PHF24: variants seen among roughly 807,000 people sequenced by gnomAD.
PHF24 encodes PHD finger protein 24, also known as Galpha inhibitory interacting protein.
In PHF24, 25 loss-of-function variants were observed where a neutral mutation model predicts 42.6. The observed-to-expected ratio is 0.59, with a 90% CI of 0.43 to 0.82. The LOEUF (loss-of-function observed/expected upper bound fraction) is 0.82. PHF24 is among the 40% of genes least tolerant of loss of function. The pLI, the probability that PHF24 is intolerant of heterozygous loss-of-function variation, is 0.00. For synonymous variants in PHF24, 185 were observed against 204.8 expected, an observed-to-expected ratio of 0.90 and a Z score of 0.83; for missense variants, 470 against 538.1, an observed-to-expected ratio of 0.87 and a Z score of 1.25.
the PHF24 span, among the ~76,000 whole-genome samples, chr9:34,759,928 G>T: frequency 6.6e-6 from 1 of 152,146 alleles, no homozygotes; most frequent in Non-Finnish European, 1.5e-5. Flanking sequence ...TTACTGGTTT[G>T]GGACTCATTG....
chr9:34,760,340 G>A, the PHF24 span, among the ~76,000 whole-genome samples: 1 of 152,194 alleles, frequency 6.6e-6, no homozygotes, highest in Non-Finnish European at 1.5e-5. Flanking sequence ...TGCCACTGGT[G>A]TGAGACTTGT....
the PHF24 span, among the ~76,000 whole-genome samples, chr9:34,838,787 T>C: frequency 5.9e-5 from 9 of 152,228 alleles, no homozygotes; most frequent in East Asian, 1.9e-4. Context: ...CAGCCTGATG[T>C]CTCGGCTCTG....
chr9:34,853,484 G>GT, the PHF24 span, among the ~76,000 whole-genome samples: 1 of 152,154 alleles, frequency 6.6e-6, no homozygotes, highest in African/African-American at 2.4e-5. Context: ...CATAAAACGA[G>GT]TTAGGGAGGA....
At chr9:34,841,093 G>A in the PHF24 span, among the ~76,000 whole-genome samples, 8 of 151,976 alleles carry the variant, frequency 5.3e-5, no homozygotes, top group South Asian at 2.1e-4. Flanking sequence ...TCCGCCTCCC[G>A]GGTTCATGCC....
chr9:34,741,509 T>C, the PHF24 span, among the ~76,000 whole-genome samples: 1 of 152,032 alleles, frequency 6.6e-6, no homozygotes, highest in Non-Finnish European at 1.5e-5. Flanking sequence ...ATTACAGGCA[T>C]GTGCCACCAC....
chr9:34,709,404 T>G, the PHF24 span: 3 of 1,609,534 alleles, frequency 1.9e-6, no homozygotes, highest in Admixed American at 3.4e-5. Context: ...CTATGGCCCT[T>G]TAGGGGTCTG....
At chr9:34,866,021 A>G in the PHF24 span, among the ~76,000 whole-genome samples, 9 of 152,360 alleles carry the variant, frequency 5.9e-5, no homozygotes, top group South Asian at 2.1e-4. Context: ...GCCCTATTCA[A>G]TTGGTCAAAG....
chr9:34,822,919 G>A, the PHF24 span, among the ~76,000 whole-genome samples: 19 of 152,058 alleles, frequency 1.2e-4, no homozygotes, highest in Non-Finnish European at 1.9e-4. Context: ...TTGTCCGGCC[G>A]GGCGCGGTGG....
chr9:34,771,550 G>C, the PHF24 span, among the ~76,000 whole-genome samples: 5 of 151,988 alleles, frequency 3.3e-5, no homozygotes, highest in African/African-American at 1.2e-4. Context: ...CTTTTGCTTG[G>C]GTTTTCCCCA....
the PHF24 span, among the ~76,000 whole-genome samples, chr9:34,862,252 T>A: frequency 5.9e-5 from 9 of 152,030 alleles, no homozygotes; most frequent in Non-Finnish European, 1.2e-4. Flanking sequence ...TTAAGCAAAT[T>A]CTATTTCTGA....
At chr9:34,941,323 G>A in the PHF24 span, among the ~76,000 whole-genome samples, 1 of 152,106 alleles carries the variant, frequency 6.6e-6, no homozygotes, top group African/African-American at 2.4e-5. Flanking sequence ...TGTGTGATGT[G>A]GCCAGTAGAC....
the PHF24 span, among the ~76,000 whole-genome samples, chr9:34,858,429 T>C: frequency 6.6e-6 from 1 of 152,116 alleles, no homozygotes; most frequent in African/African-American, 2.4e-5. Flanking sequence ...CCTGGGTCCA[T>C]GGGGGCTGGC....
chr9:34,909,083 T>G, the PHF24 span, among the ~76,000 whole-genome samples: 3 of 151,574 alleles, frequency 2.0e-5, no homozygotes, highest in Non-Finnish European at 4.4e-5. Flanking sequence ...CTCCTGACCT[T>G]GTGGTCCACC....
At chr9:34,753,198 C>T in the PHF24 span, among the ~76,000 whole-genome samples, 32 of 151,920 alleles carry the variant, frequency 2.1e-4, no homozygotes, top group South Asian at 1.5e-3. Flanking sequence ...AAACAAAGGG[C>T]AAAAACATCA....
At chr9:34,926,333 G>A in the PHF24 span, among the ~76,000 whole-genome samples, 2 of 152,188 alleles carry the variant, frequency 1.3e-5, no homozygotes, top group Non-Finnish European at 2.9e-5. This position sits in a 1 kb window ranked among gnomAD's most constrained non-coding sequence, Gnocchi z 4.3. Flanking sequence ...CTAGGACATG[G>A]GTGTAAGGCT....
the PHF24 span, among the ~76,000 whole-genome samples, chr9:34,792,579 G>T: frequency 2.6e-5 from 4 of 152,094 alleles, no homozygotes; most frequent in Non-Finnish European, 5.9e-5. Context: ...GCTGAGGCAG[G>T]AGAATCGCTT....
chr9:34,738,867 C>A, the PHF24 span, among the ~76,000 whole-genome samples: 2 of 152,134 alleles, frequency 1.3e-5, no homozygotes, highest in Non-Finnish European at 2.9e-5. Flanking sequence ...ATTTGTGGTC[C>A]TGAGGTGATG....
the PHF24 span, among the ~76,000 whole-genome samples, chr9:34,799,208 C>G: frequency 2.6e-5 from 4 of 152,140 alleles, no homozygotes. Context: ...ACAGAGAAGA[C>G]TTCCAGAAGG....
the PHF24 span, among the ~76,000 whole-genome samples, chr9:34,898,266 G>A: frequency 6.6e-6 from 1 of 152,194 alleles, no homozygotes; most frequent in Non-Finnish European, 1.5e-5. Flanking sequence ...TTCCATAGTG[G>A]TTGTACTAGT....
Sources: allele counts gnomAD v4.1 joint callset (sites outside exome capture counted in the v4.1 genomes callset), GRCh38; gene constraint gnomAD v4.1.1; non-coding constraint Gnocchi (gnomAD v3.1); transcripts MANE v1.5; gene names NCBI Gene and HGNC (gene_info 2026-07-23, HGNC 2026-07-21).